WWTR1: variants seen among roughly 807,000 people sequenced by gnomAD.
WWTR1 encodes WW domain-containing transcription regulator protein 1.
In WWTR1, 13 loss-of-function variants were observed where a neutral mutation model predicts 40.1. The ratio of observed to expected loss-of-function variants is 0.32; its 90% confidence interval spans 0.21 to 0.52. WWTR1 has a LOEUF of 0.52. Ranked by LOEUF, WWTR1 falls within the 20% of genes least tolerant of loss-of-function variation. WWTR1 has a pLI of 0.97. For synonymous variants in WWTR1, 230 were observed against 210.1 expected (o/e 1.09, Z -0.82); for missense variants, 436 against 523.1 (o/e 0.83, Z 1.63).
At chr3:149,522,897 C>CA (rs777751307) in intron 6 of WWTR1, among the ~76,000 whole-genome samples, 3 of 151,354 alleles carry the variant, frequency 2.0e-5, no homozygotes, top group South Asian at 4.2e-4. Flanking sequence ...AACAAACAAA[C>CA]AAAAAAACCC....
intron 2 of WWTR1, among the ~76,000 whole-genome samples, chr3:149,648,010 T>TATGCATAGGGTTATA: frequency 6.6e-6 from 1 of 152,196 alleles, no homozygotes; most frequent in Non-Finnish European, 1.5e-5. Context: ...ACCCTCAGCA[T>TATGCATAGGGTTATA]TTCTGCCTCT....
intron 2 of WWTR1, among the ~76,000 whole-genome samples, chr3:149,593,844 A>C (rs111548799): frequency 0.012 from 1,885 of 152,350 alleles, 44 homozygotes; most frequent in African/African-American, 0.043. Flanking sequence ...TGGGCTTTCA[A>C]AATACCTAAT....
intron 2 of WWTR1, among the ~76,000 whole-genome samples, chr3:149,645,691 AG>A (rs1392258218): frequency 2.0e-5 from 3 of 152,246 alleles, no homozygotes; most frequent in Non-Finnish European, 2.9e-5. Flanking sequence ...ATAGGTGCCC[AG>A]GTGCCCCTTT....
chr3:149,675,496 T>C (rs1485264925), intron 1 of WWTR1, among the ~76,000 whole-genome samples: 1 of 152,128 alleles, frequency 6.6e-6, no homozygotes, highest in Non-Finnish European at 1.5e-5. Flanking sequence ...TGATCATGTT[T>C]TTCAGCCACC....
rs550169103 is a variant in WWTR1, at chr3:149,699,766, T to C, written c.-108+3358A>G. Among the ~76,000 whole-genome samples, 26 of 152,312 alleles carry C rather than the reference T, an allele frequency of 1.7e-4. No individual in the cohort carries two copies. In the South Asian group the frequency reaches 5.0e-3, roughly 29 times the overall value. ...TTTACTGTCAATATCTCTATCAGCA[T>C]TTTGGTCACAACCATTTAACCAGCC... On this transcript the variant is annotated intron_variant, in intron 1 of 7. Coordinates refer to the WWTR1 transcript ENST00000465804.
At position 149,520,653 on chromosome 3, in the gene WWTR1, G is replaced by C; in HGVS notation, c.*152C>G. The C allele has an allele frequency of 1.7e-6, 1 of 593,790 alleles. No homozygotes were observed. The highest frequency in any genetic ancestry group is 2.7e-6 in the Non-Finnish European group (1 of 369,626). 36.8% of individuals were successfully genotyped at this position (593,790 alleles called of 1,614,324 possible). A position where few individuals can be genotyped will look rare whatever the true frequency, so the allele number is the denominator to read the frequency against. ...CTTAAGTTACTCTCAATCAAAACCA[G>C]GCAATGATTAAACTGGCAACATAAA... On this transcript the variant is annotated 3_prime_UTR_variant, in exon 7 of 7. Transcript: ENST00000360632.
chr3:149,692,132 T>C (rs2108214218), intron 1 of WWTR1, among the ~76,000 whole-genome samples: 1 of 148,808 alleles, frequency 6.7e-6, no homozygotes, highest in South Asian at 2.1e-4. Flanking sequence ...ATTACCCTGA[T>C]ACCAACACCA....
intron 5 of WWTR1, among the ~76,000 whole-genome samples, chr3:149,711,693 A>G (rs1715482096): frequency 6.6e-6 from 1 of 152,188 alleles, no homozygotes; most frequent in African/African-American, 2.4e-5. Context: ...TTTTATCAGC[A>G]GATTCAATTG....
At chr3:149,718,469 T>C (rs150205544) in intron 4 of WWTR1, among the ~76,000 whole-genome samples, 1 of 152,358 alleles carries the variant, frequency 6.6e-6, no homozygotes, top group African/African-American at 2.4e-5. Context: ...AAGTTTATTA[T>C]GGTAAAATAT....
At chr3:149,525,346 A>G (rs553272619) in intron 6 of WWTR1, among the ~76,000 whole-genome samples, 4 of 152,296 alleles carry the variant, frequency 2.6e-5, no homozygotes, top group African/African-American at 9.6e-5. Context: ...ATTACAACTA[A>G]AAACTAGAAC....
At chr3:149,684,860 A>G (rs991579759) in intron 1 of WWTR1, among the ~76,000 whole-genome samples, 5 of 152,064 alleles carry the variant, frequency 3.3e-5, no homozygotes, top group South Asian at 2.1e-4. Context: ...CACTGTACCC[A>G]GCCTTCTTTC....
chr3:149,627,802 G>A lies in WWTR1; in HGVS notation c.431+29074C>T, dbSNP rs373861371. Among the ~76,000 whole-genome samples the A allele has an allele frequency of 8.9e-4, 136 of 152,340 alleles. 1 individual carries two copies. The highest frequency in any genetic ancestry group is 3.1e-3 in the African/African-American group (128 of 41,584). ...ATTAAAAACTTATTGGCCGGGCGCG[G>A]TGGCTCACGCCTGTAATCCCAGCAC... On this transcript the variant is annotated intron_variant, in intron 2 of 6. Coordinates refer to ENST00000360632, the MANE Select transcript of WWTR1 (RefSeq NM_015472.6).
intron 4 of WWTR1, among the ~76,000 whole-genome samples, chr3:149,722,067 T>C (rs1340923353): frequency 6.6e-6 from 1 of 152,192 alleles, no homozygotes; most frequent in Non-Finnish European, 1.5e-5. Flanking sequence ...TTCTGTAGAT[T>C]TGGTAATAAT....
intron 2 of WWTR1, among the ~76,000 whole-genome samples, chr3:149,627,193 A>C (rs547274692): frequency 1.1e-4 from 16 of 152,326 alleles, no homozygotes; most frequent in Non-Finnish European, 2.2e-4. Flanking sequence ...TTGAAATTCA[A>C]ATTTAACTGA....
intron 2 of WWTR1, among the ~76,000 whole-genome samples, chr3:149,628,377 TA>T (rs1711496953): frequency 6.6e-6 from 1 of 152,130 alleles, no homozygotes; most frequent in Non-Finnish European, 1.5e-5. Context: ...TCAAAACAAA[TA>T]AACAAACAAA....
At chr3:149,599,572 T>C (rs953978544) in intron 2 of WWTR1, among the ~76,000 whole-genome samples, 4 of 152,260 alleles carry the variant, frequency 2.6e-5, no homozygotes, top group Admixed American at 6.5e-5. Flanking sequence ...GCCAGTCCTG[T>C]ACCAATGCTC....
At chr3:149,535,665 C>T (rs1429487642) in intron 4 of WWTR1, among the ~76,000 whole-genome samples, 2 of 149,426 alleles carry the variant, frequency 1.3e-5, no homozygotes, top group Non-Finnish European at 3.0e-5. Flanking sequence ...TTTCAAATCA[C>T]ATTAAAGAAA....
At chr3:149,547,513 C>T (rs919269495) in intron 3 of WWTR1, among the ~76,000 whole-genome samples, 2 of 151,566 alleles carry the variant, frequency 1.3e-5, no homozygotes, top group Non-Finnish European at 2.9e-5. Flanking sequence ...GCAACAAGAG[C>T]GAAACTCCAG....
At chr3:149,527,559 A>G (rs1213009294) in intron 5 of WWTR1, among the ~76,000 whole-genome samples, 1 of 152,208 alleles carries the variant, frequency 6.6e-6, no homozygotes, top group Non-Finnish European at 1.5e-5. Flanking sequence ...AGACGACACC[A>G]TCATGTTTAA....
Sources: gnomAD v4.1 joint callset for allele counts (sites outside exome capture counted in the v4.1 genomes callset) on GRCh38, gnomAD v4.1.1 for gene constraint, MANE v1.5 for transcripts, NCBI Gene and HGNC (gene_info 2026-07-23, HGNC 2026-07-21) for gene names.